GABRG3: variants seen among roughly 807,000 people sequenced by gnomAD.
The protein encoded by GABRG3 is gamma-aminobutyric acid type A receptor subunit gamma3.
GABRG3 carries 25 observed loss-of-function variants against 48.8 expected under a neutral mutation model. The ratio of observed to expected loss-of-function variants is 0.51; its 90% confidence interval spans 0.37 to 0.72. The LOEUF (loss-of-function observed/expected upper bound fraction) is 0.72, where lower values mean the gene tolerates loss of function less well. Ranked by LOEUF, GABRG3 falls within the 30% of genes least tolerant of loss-of-function variation. GABRG3 has a pLI of 0.00. For missense variants in GABRG3, 394 were observed against 577.9 expected, an observed-to-expected ratio of 0.68 and a Z score of 3.26; for synonymous variants, 227 against 217.6, an observed-to-expected ratio of 1.04 and a Z score of -0.38.
In GABRG3 at chr15:27,490,467, C is replaced by G. The variant is rs180821861; in HGVS notation, c.712+9680C>G. Among the ~76,000 whole-genome samples, 401 of 152,282 alleles carry G rather than the reference C, an allele frequency of 2.6e-3. 4 individuals are homozygous for G. Among genetic ancestry groups the G allele is most frequent in the African/African-American group, 9.3e-3 (386 of 41,564 alleles). ...ACCTGAAGACTCTTGGCCAGACGTC[C>G]ATTTTCCATCTTAGTCAACACAGAA... On this transcript the variant is annotated intron_variant, in intron 6 of 9. Coordinates refer to ENST00000615808, the MANE Select transcript of GABRG3 (RefSeq NM_033223.5).
At chr15:27,401,233 G>A (rs7170270) in intron 5 of GABRG3, among the ~76,000 whole-genome samples, 73,002 of 152,006 alleles carry the variant, frequency 0.48, 18,258 homozygotes, top group East Asian at 0.81. Context: ...GCAGAGAGGC[G>A]CATATGTTAC....
intron 3 of GABRG3, among the ~76,000 whole-genome samples, chr15:27,287,609 A>G (rs1004895450): frequency 2.0e-5 from 3 of 152,112 alleles, no homozygotes; most frequent in African/African-American, 7.2e-5. Context: ...AATGTTTACT[A>G]TGAATGAAGG....
chr15:26,997,415 CA>C (rs1403307479), intron 2 of GABRG3, among the ~76,000 whole-genome samples: 2 of 151,932 alleles, frequency 1.3e-5, no homozygotes, highest in Non-Finnish European at 2.9e-5. Context: ...TCTCATATTT[CA>C]AAAAAACTTT....
chr15:26,982,371 G>C (rs1895071922), intron 2 of GABRG3, among the ~76,000 whole-genome samples: 1 of 152,132 alleles, frequency 6.6e-6, no homozygotes, highest in Admixed American at 6.5e-5. Flanking sequence ...GGTGTCACTG[G>C]GCACCACATG....
At position 27,004,321 on chromosome 15, in the gene GABRG3, C is replaced by T. The variant is rs1258917667; in HGVS notation, c.203-22433C>T. 1.3e-3 allele frequency among the ~76,000 whole-genome samples: 192 copies of T among 149,314 alleles called. 2 individuals carry two copies. Among genetic ancestry groups the T allele is most frequent in the African/African-American group, 4.5e-3 (183 of 40,416 alleles). On this transcript the variant is annotated intron_variant, in intron 2 of 9. Coordinates refer to ENST00000615808, the MANE Select transcript of GABRG3 (RefSeq NM_033223.5). ...TCACATCCCAGACGGGGTGGCGGGG[C>T]AGAGGCGGTCCCCACATCTCAGACA...
chr15:27,041,828 G>T (rs114299261), intron 3 of GABRG3, among the ~76,000 whole-genome samples: 144 of 152,270 alleles, frequency 9.5e-4, no homozygotes, highest in African/African-American at 3.2e-3. Context: ...AGCAAGAGGA[G>T]AGGTGCCATC....
chr15:27,383,187 A>C (rs1037912270), intron 5 of GABRG3, among the ~76,000 whole-genome samples: 2 of 152,122 alleles, frequency 1.3e-5, no homozygotes, highest in African/African-American at 4.8e-5. Flanking sequence ...TGTCTTTAAG[A>C]TCTTTCTTAG....
intron 3 of GABRG3, among the ~76,000 whole-genome samples, chr15:27,110,060 T>C (rs1897519873): frequency 6.6e-6 from 1 of 152,216 alleles, no homozygotes; most frequent in Non-Finnish European, 1.5e-5. Context: ...ATATCAAAAA[T>C]CTTTTAACTG....
At chr15:27,226,884 G>A (rs1417118656) in intron 3 of GABRG3, among the ~76,000 whole-genome samples, 2 of 152,182 alleles carry the variant, frequency 1.3e-5, no homozygotes, top group African/African-American at 4.8e-5. Context: ...CTTGGCCTAG[G>A]ATACGTTGTC....
intron 3 of GABRG3, among the ~76,000 whole-genome samples, chr15:27,088,280 C>CGGGCCAGGAGT (rs1555402698): frequency 1.3e-5 from 2 of 149,494 alleles, no homozygotes; most frequent in Non-Finnish European, 3.0e-5. Flanking sequence ...GGGGCGGGCG[C>CGGGCCAGGAGT]GGGCCAGGAG....
chr15:27,492,499 A>G (rs1221040003), intron 6 of GABRG3, among the ~76,000 whole-genome samples: 1 of 152,124 alleles, frequency 6.6e-6, no homozygotes, highest in Non-Finnish European at 1.5e-5. Flanking sequence ...AAGGAGAGAG[A>G]GCAGTTGAGC....
Position 27,315,219 on chromosome 15 carries a change from C to G in GABRG3, c.271-11590C>G, listed in dbSNP as rs556683140. Among the ~76,000 whole-genome samples the G allele has an allele frequency of 2.9e-4, 44 of 152,258 alleles. No individual in the cohort carries two copies. The South Asian group carries it at 8.9e-3, about 31-fold the overall frequency. On this transcript the variant is annotated intron_variant, in intron 3 of 9. Transcript: ENST00000615808. ...TATAAGGTGAAGTTATGTGCAACAT[C>G]TCTAAGTGATAACAGATTAGCATGT...
chr15:27,494,908 A>C (rs553267838), intron 6 of GABRG3, among the ~76,000 whole-genome samples: 1 of 152,192 alleles, frequency 6.6e-6, no homozygotes, highest in East Asian at 1.9e-4. Flanking sequence ...TCTGGTTTCT[A>C]AAAGTGGGAG....
intron 5 of GABRG3, among the ~76,000 whole-genome samples, chr15:27,474,706 A>G (rs1277358497): frequency 6.6e-6 from 1 of 152,254 alleles, no homozygotes. Flanking sequence ...AAACTATGGA[A>G]GACAGGCTGT....
chr15:27,438,659 C>T (rs558709925), intron 5 of GABRG3, among the ~76,000 whole-genome samples: 15 of 152,324 alleles, frequency 9.8e-5, no homozygotes, highest in African/African-American at 3.6e-4. Context: ...TCCGGGTGTC[C>T]TTCTGCCTTG....
At chr15:27,015,473 C>T (rs1472429288) in intron 2 of GABRG3, among the ~76,000 whole-genome samples, 3 of 150,840 alleles carry the variant, frequency 2.0e-5, no homozygotes, top group African/African-American at 7.3e-5. Context: ...CAAGCTCCGC[C>T]TCCCGGGTTC....
intron 5 of GABRG3, among the ~76,000 whole-genome samples, chr15:27,333,396 C>T (rs986364653): frequency 1.3e-5 from 2 of 152,146 alleles, no homozygotes; most frequent in Admixed American, 6.5e-5. Flanking sequence ...CTCCTAGAGG[C>T]CGCCCGCATT....
chr15:27,307,656 G>T (rs1402218705), intron 3 of GABRG3, among the ~76,000 whole-genome samples: 26 of 102,154 alleles, frequency 2.5e-4, no homozygotes, highest in African/African-American at 1.2e-3. Context: ...TAGGTTTATA[G>T]GTTTATATAT....
chr15:27,413,513 G>A lies in GABRG3; in HGVS notation c.575-67137G>A, dbSNP rs117894232. On this transcript the variant is annotated intron_variant, in intron 5 of 9. Coordinates refer to ENST00000615808, the MANE Select transcript of GABRG3 (RefSeq NM_033223.5). ...AAATGAGCTGTCACCTGTGCTTGAT[G>A]TAGCACACGAAAAATCATTATTTTC... Among the ~76,000 whole-genome samples the A allele has an allele frequency of 1.2e-3, 182 of 152,336 alleles. 4 individuals are homozygous for A. The East Asian group carries it at 0.032, about 27-fold the overall frequency.
Sources: gnomAD v4.1 joint callset for allele counts (sites outside exome capture counted in the v4.1 genomes callset) on GRCh38, gnomAD v4.1.1 for gene constraint, MANE v1.5 for transcripts, NCBI Gene and HGNC (gene_info 2026-07-23, HGNC 2026-07-21) for gene names.